CALN1: variants seen among roughly 807,000 people sequenced by gnomAD.
CALN1 encodes calneuron 1, also known as calcium-binding protein 8.
Under a neutral mutation model 30.6 loss-of-function variants are expected in CALN1, and 17 were observed. That is an observed-to-expected ratio of 0.56 (90% CI 0.38 to 0.83). The LOEUF is 0.83. Among genes scored for constraint, CALN1 ranks in the 40% least tolerant of loss-of-function variants. CALN1 has a pLI of 0.00. For missense variants in CALN1, 291 were observed against 354.9 expected (o/e 0.82, Z 1.45); for synonymous variants, 156 against 131.4 (o/e 1.19, Z -1.28).
At chr7:71,877,837 C>T (rs376506768) in intron 5 of CALN1, among the ~76,000 whole-genome samples, 3 of 151,958 alleles carry the variant, frequency 2.0e-5, no homozygotes, top group East Asian at 1.9e-4. Context: ...CGAGAAAGTC[C>T]GAAATAAAAC....
At chr7:72,348,002 G>A (rs1010073779) in intron 2 of CALN1, among the ~76,000 whole-genome samples, 2 of 152,090 alleles carry the variant, frequency 1.3e-5, no homozygotes, top group African/African-American at 4.8e-5. Flanking sequence ...ATGGTAGCAG[G>A]TGCCCATAAT....
At chr7:71,859,899 A>G (rs967196634) in intron 5 of CALN1, among the ~76,000 whole-genome samples, 23 of 152,220 alleles carry the variant, frequency 1.5e-4, no homozygotes, top group African/African-American at 5.3e-4. Context: ...CCAGAGGTGT[A>G]TGATTAAGGG....
intron 6 of CALN1, among the ~76,000 whole-genome samples, chr7:71,790,400 GAA>G (rs1167025848): frequency 9.2e-6 from 1 of 108,424 alleles, no homozygotes; most frequent in Non-Finnish European, 1.8e-5. Context: ...AAGAAAGAAA[GAA>G]AGAAAGAAAG....
chr7:71,823,762 G>GAAAGA (rs947126138), intron 5 of CALN1, among the ~76,000 whole-genome samples: 8 of 151,934 alleles, frequency 5.3e-5, no homozygotes, highest in South Asian at 2.1e-4. Context: ...AAGAAAAAGA[G>GAAAGA]AAAGAAAAGA....
intron 3 of CALN1, among the ~76,000 whole-genome samples, chr7:72,181,341 A>C (rs1253181003): frequency 6.6e-6 from 1 of 151,302 alleles, no homozygotes; most frequent in Non-Finnish European, 1.5e-5. Flanking sequence ...ATGTGTTGCT[A>C]CCAATTGCAT....
At chr7:72,425,802 G>C (rs564006901) in intron 1 of CALN1, among the ~76,000 whole-genome samples, 2 of 152,216 alleles carry the variant, frequency 1.3e-5, no homozygotes, top group Non-Finnish European at 1.5e-5. Flanking sequence ...TAAGATTGCA[G>C]ATTTGAATCC....
chr7:72,254,977 G>C (rs1215805026), intron 3 of CALN1, among the ~76,000 whole-genome samples: 1 of 152,108 alleles, frequency 6.6e-6, no homozygotes, highest in Non-Finnish European at 1.5e-5. Context: ...ATTTTTAGTA[G>C]AGATGGGGTT....
intron 3 of CALN1, among the ~76,000 whole-genome samples, chr7:72,138,425 C>T (rs1261598128): frequency 5.9e-5 from 9 of 152,150 alleles, no homozygotes; most frequent in East Asian, 3.9e-4. Flanking sequence ...ATTTTCCCGA[C>T]GCCATCTGAA....
intron 5 of CALN1, among the ~76,000 whole-genome samples, chr7:71,945,307 T>G (rs1443314074): frequency 6.6e-6 from 1 of 152,220 alleles, no homozygotes; most frequent in Non-Finnish European, 1.5e-5. Context: ...GACCCAGTTT[T>G]GGGTATTCCT....
chr7:71,903,821 C>T (rs1171336215), intron 5 of CALN1, among the ~76,000 whole-genome samples: 1 of 151,752 alleles, frequency 6.6e-6, no homozygotes, highest in African/African-American at 2.4e-5. Flanking sequence ...GTTAATATCC[C>T]AAAACATATA....
chr7:72,438,653 A>T (rs766734715), intron 1 of CALN1, among the ~76,000 whole-genome samples: 1 of 151,956 alleles, frequency 6.6e-6, no homozygotes, highest in Non-Finnish European at 1.5e-5. Flanking sequence ...TTCTACCTCC[A>T]TCACTCCAGG....
the CALN1 span, among the ~76,000 whole-genome samples, chr7:72,478,887 C>CTTTTTTTTTTTTTTTTTTTTTTT: frequency 1.4e-5 from 2 of 139,378 alleles, 1 homozygote; most frequent in African/African-American, 5.8e-5. Context: ...CGAACCACTT[C>CTTTTTTTTTTTTTTTTTTTTTTT]TTTTTTTTTT....
chr7:72,232,893 T>C (rs986372481), intron 3 of CALN1, among the ~76,000 whole-genome samples: 1 of 152,184 alleles, frequency 6.6e-6, no homozygotes, highest in African/African-American at 2.4e-5. Context: ...ACTATCTATA[T>C]TGGGTATAGT....
chr7:71,805,787 A>G (rs1212121190), intron 6 of CALN1, among the ~76,000 whole-genome samples: 1 of 152,150 alleles, frequency 6.6e-6, no homozygotes, highest in Non-Finnish European at 1.5e-5. Context: ...ATACCTAGCA[A>G]TGTGATTTCT....
At chr7:72,359,177 G>A (rs1803411831) in intron 2 of CALN1, among the ~76,000 whole-genome samples, 1 of 151,950 alleles carries the variant, frequency 6.6e-6, no homozygotes, top group Non-Finnish European at 1.5e-5. Flanking sequence ...ATTTTACTTT[G>A]CTAATTAGCA....
rs77560330 is a variant in CALN1 at position 72,223,179 on chromosome 7, G to A, written c.244+55507C>T. The stretch of plus-strand genomic sequence containing the variant: ...TTCCTTGCTATTTATTTAACGGGCC[G>A]CGGTCAGGCAGAGGAGAAGAGGGGT... On this transcript the variant is annotated intron_variant, in intron 3 of 6. Coordinates refer to ENST00000395275, the MANE Select transcript of CALN1 (RefSeq NM_031468.4). Among the ~76,000 whole-genome samples, 1,152 of 152,222 alleles carry A rather than the reference G, an allele frequency of 7.6e-3. 10 individuals are homozygous for A. Among genetic ancestry groups the A allele is most frequent in the African/African-American group, 0.024 (1,002 of 41,532 alleles).
chr7:72,148,533 G>T (rs867528287), intron 3 of CALN1, among the ~76,000 whole-genome samples: 1 of 152,094 alleles, frequency 6.6e-6, no homozygotes, highest in East Asian at 1.9e-4. Context: ...CAGGAGTTTG[G>T]GTCTACAGTG....
intron 3 of CALN1, among the ~76,000 whole-genome samples, chr7:72,188,313 G>C (rs1790352068): frequency 6.6e-6 from 1 of 152,062 alleles, no homozygotes; most frequent in South Asian, 2.1e-4. Context: ...ATATATCTCA[G>C]TTTACGTATA....
chr7:71,968,782 C>G (rs1342354048), intron 5 of CALN1, among the ~76,000 whole-genome samples: 1 of 151,884 alleles, frequency 6.6e-6, no homozygotes, highest in Non-Finnish European at 1.5e-5. Context: ...TGGTGGCTCA[C>G]ACCTGTAATC....
Sources: gnomAD v4.1 joint callset for allele counts (sites outside exome capture counted in the v4.1 genomes callset) on GRCh38, gnomAD v4.1.1 for gene constraint, MANE v1.5 for transcripts, NCBI Gene and HGNC (gene_info 2026-07-23, HGNC 2026-07-21) for gene names.